Variants in DNASE1L3 observed in about 807,000 individuals in gnomAD.
DNASE1L3 encodes the protein deoxyribonuclease 1L3.
DNASE1L3 carries 27 observed loss-of-function variants against 30.9 expected under a neutral mutation model. The observed-to-expected ratio is 0.87, with a 90% CI of 0.64 to 1.20. The LOEUF (loss-of-function observed/expected upper bound fraction) is 1.20. Ranked by LOEUF, DNASE1L3 falls within the 50% of genes most tolerant of loss-of-function variation. The pLI is 0.00. For missense variants in DNASE1L3, 364 were observed against 378.2 expected (o/e 0.96, Z 0.31); for synonymous variants, 135 against 138.0 (o/e 0.98, Z 0.15).
Position 58,197,452 on chromosome 3 carries a change from A to AATTTTAT in DNASE1L3, c.704+368_704+369insATAAAAT, listed in dbSNP as rs1213202524. On this transcript the variant is annotated intron_variant, in intron 6 of 7. Transcript: ENST00000394549. This position sits in a 1 kb window ranked among gnomAD's most constrained non-coding sequence, Gnocchi z 5.3. Reference sequence around the variant, plus strand: ...CAAGCAGTGTGCTTTTCTTATTTTTATTTTTATTTTTTATTTTTGAGACAA... The same window carrying AATTTTAT: ...CAAGCAGTGTGCTTTTCTTATTTTTAATTTTATTTTTTATTTTTTATTTTTGAGACAA... Among the ~76,000 whole-genome samples the AATTTTAT allele has an allele frequency of 6.6e-6, 1 of 151,692 alleles. No homozygotes were observed. Among genetic ancestry groups the AATTTTAT allele is most frequent in the African/African-American group, 2.4e-5 (1 of 41,270 alleles).
chr3:58,209,257 G>A lies in DNASE1L3; in HGVS notation c.142-951C>T, dbSNP rs139697313. Among the ~76,000 whole-genome samples the A allele has an allele frequency of 8.7e-3, 1,331 of 152,194 alleles. 14 individuals are homozygous for A. The highest frequency in any genetic ancestry group is 0.027 in the Middle Eastern group (8 of 294). ...GTGAGGCAGCCTTGACAAGGACTTC[G>A]GACATGCTCTGCAGGACACAGCTGC... On this transcript the variant is annotated intron_variant, in intron 1 of 7. Transcript: ENST00000394549.
At position 58,200,704 on chromosome 3, in the gene DNASE1L3, TTGTCCA is replaced by T. The variant is rs1294472852; in HGVS notation, c.546+287_546+292del. On this transcript the variant is annotated intron_variant, in intron 5 of 7. Transcript: ENST00000394549. This position sits in a 1 kb window ranked among gnomAD's most constrained non-coding sequence, Gnocchi z 4.2. ...GGATTATTGGGAGGATTAAATAAAC[TTGTCCA>T]TGTCAAGTCTCAGCACAGTGCCTGG... is the stretch of plus-strand genomic sequence containing the variant. Among the ~76,000 whole-genome samples, 2 of 152,210 alleles carry T rather than the reference TTGTCCA, an allele frequency of 1.3e-5. No homozygotes were observed. Among genetic ancestry groups the T allele is most frequent in the African/African-American group, 4.8e-5 (2 of 41,448 alleles).
rs770360003 is a variant in DNASE1L3 at position 58,204,753 on chromosome 3, C to G, written c.433+16G>C. ...GTTGGGGAGGTCCCAGACAGAAAGG[C>G]CTGTGTGGGTCTTACCAGTGTGGGG... On this transcript the variant is annotated intron_variant, in intron 4 of 7. Coordinates refer to ENST00000394549, the MANE Select transcript of DNASE1L3 (RefSeq NM_004944.4). 13 of 1,608,870 alleles carry G rather than the reference C, an allele frequency of 8.1e-6. No homozygotes were observed. Among genetic ancestry groups the G allele is most frequent in the Non-Finnish European group, 1.1e-5 (13 of 1,175,668 alleles).
Position 58,200,914 on chromosome 3 carries a change from C to A in DNASE1L3, c.546+83G>T. On this transcript the variant is annotated intron_variant, in intron 5 of 7. Coordinates refer to ENST00000394549, the MANE Select transcript of DNASE1L3 (RefSeq NM_004944.4). The surrounding 1 kb of genome is among the most constrained non-coding windows in gnomAD (Gnocchi z 4.2). ...CCTGCACATGCCCTTCCTCCTCCCC[C>A]TCCCTGGAGAGGTACTCATCCCACT... 1 of 1,096,866 alleles carries A rather than the reference C, an allele frequency of 9.1e-7. No homozygotes were observed. Among genetic ancestry groups the A allele is most frequent in the Non-Finnish European group, 1.3e-6 (1 of 754,108 alleles). The allele number at this position is 1,096,866 out of a possible 1,614,324, so 67.9% of individuals were successfully genotyped here.
At chr3:58,203,153 G>T (rs2097401863) in intron 4 of DNASE1L3, among the ~76,000 whole-genome samples, 1 of 152,154 alleles carries the variant, frequency 6.6e-6, no homozygotes, top group African/African-American at 2.4e-5. Flanking sequence ...CTGTGGGGCG[G>T]TCACTGCTCA....
intron 6 of DNASE1L3, among the ~76,000 whole-genome samples, chr3:58,196,906 G>A (rs762575283): frequency 5.6e-4 from 85 of 152,326 alleles, no homozygotes; most frequent in Non-Finnish European, 8.5e-4. Flanking sequence ...TATAAATACC[G>A]TTGCACTAAT....
chr3:58,193,093 T>C, intron 7 of DNASE1L3: 1 of 1,393,018 alleles, frequency 7.2e-7, no homozygotes, highest in African/African-American at 1.5e-5. Flanking sequence ...TTTTTTTTTT[T>C]TGAGACAGGA....
Position 58,192,996 on chromosome 3 carries a change from A to G in DNASE1L3, c.802-193T>C. ...TTTTGGAGGGGCCTCAAATCACAGA[A>G]TCATAGGCATTGAGGGTCAAGGTCT... On this transcript the variant is annotated intron_variant, in intron 7 of 7. Coordinates refer to ENST00000394549, the MANE Select transcript of DNASE1L3 (RefSeq NM_004944.4). The surrounding 1 kb of genome is among the most constrained non-coding windows in gnomAD (Gnocchi z 4.8). 1.4e-6 allele frequency: 2 copies of G among 1,436,108 alleles called. No homozygotes were observed. The highest frequency in any genetic ancestry group is 1.8e-6 in the Non-Finnish European group (2 of 1,102,928). 89.0% of individuals were successfully genotyped at this position (1,436,108 alleles called of 1,614,324 possible). A position where few individuals can be genotyped will look rare whatever the true frequency, so the allele number is the denominator to read the frequency against.
In DNASE1L3 at chr3:58,194,822, G is replaced by T. The variant is rs912004261; in HGVS notation, c.705-1383C>A. On this transcript the variant is annotated intron_variant, in intron 6 of 7. Transcript: ENST00000394549. ...TTTTGTATTTTTTAGTAGAGACGGGGTTTCACTGTGTTAGCCAGGATGGTC... is the reference window on the plus strand; with the variant it reads ...TTTTGTATTTTTTAGTAGAGACGGGTTTTCACTGTGTTAGCCAGGATGGTC... Among the ~76,000 whole-genome samples the T allele has an allele frequency of 4.6e-5, 7 of 151,692 alleles. 1 individual carries two copies. Among genetic ancestry groups the T allele is most frequent in the Admixed American group, 3.3e-4 (5 of 15,228 alleles).
chr3:58,207,609 T>C (rs1423276387), intron 2 of DNASE1L3, among the ~76,000 whole-genome samples: 2 of 152,150 alleles, frequency 1.3e-5, no homozygotes, highest in East Asian at 3.8e-4. Flanking sequence ...TTTCAATATA[T>C]TGTGGCCATT....
intron 3 of DNASE1L3, 114 bp downstream of exon 3, chr3:58,205,357 G>T: frequency 1.1e-6 from 1 of 932,954 alleles, no homozygotes; most frequent in Non-Finnish European, 1.7e-6. Context: ...TTATTTTGAT[G>T]AACACTGAGA....
Position 58,210,780 on chromosome 3 carries a change from C to A in DNASE1L3, c.127G>T (p.Asp43Tyr). 6.2e-7 allele frequency: 1 copy of A among 1,614,128 alleles called. No individual in the cohort carries two copies. The change falls in exon 1 of 8, where the codon GAT (aspartate) becomes TAT (tyrosine). Residue 43 changes from aspartate to tyrosine, a missense_variant. By Grantham distance (160) the Asp-to-Tyr change is radical (BLOSUM62 -3). Coordinates refer to ENST00000394549, the MANE Select transcript of DNASE1L3 (RefSeq NM_004944.4). ...AAGGGGCTCACCTTCACAATGACAT[C>A]CATGGCATTCTTGTCTTCCTGCTTG... ...ESKQEDKNAM[D>Y]VIVKVIKRCD...
chr3:58,209,729 G>T (rs991605375), intron 1 of DNASE1L3, among the ~76,000 whole-genome samples: 1 of 152,150 alleles, frequency 6.6e-6, no homozygotes, highest in East Asian at 1.9e-4. Context: ...GGTGGTATTT[G>T]GATGTGGTCG....
rs551518178 is a variant in DNASE1L3 at position 58,192,263 on chromosome 3, C to A, written c.*424G>T. 329 of 157,440 alleles carry A rather than the reference C, an allele frequency of 2.1e-3. 3 individuals carry two copies. Among genetic ancestry groups the A allele is most frequent in the Non-Finnish European group, 3.1e-3 (221 of 71,928 alleles). 9.8% of individuals were successfully genotyped at this position (157,440 alleles called of 1,614,324 possible). On this transcript the variant is annotated 3_prime_UTR_variant, in exon 8 of 8. Transcript: ENST00000394549. This position sits in a 1 kb window ranked among gnomAD's most constrained non-coding sequence, Gnocchi z 4.8. Reference sequence around the variant, plus strand: ...GACCTCAGAGAGGAGGGGGCAGACTCTTAAAACAGTTAATTGCCCAAATCA... The same window carrying A: ...GACCTCAGAGAGGAGGGGGCAGACTATTAAAACAGTTAATTGCCCAAATCA...
At chr3:58,193,756 G>A (rs181758272) in intron 6 of DNASE1L3, among the ~76,000 whole-genome samples, 17 of 152,308 alleles carry the variant, frequency 1.1e-4, no homozygotes, top group Admixed American at 9.8e-4. Context: ...TACTGAGAAC[G>A]CTGTTCCTTT....
At position 58,197,855 on chromosome 3, in the gene DNASE1L3, T is replaced by G; in HGVS notation, c.670A>C (p.Thr224Pro). The G allele has an allele frequency of 6.2e-7, 1 of 1,614,184 alleles. No homozygotes were observed. The highest frequency in any genetic ancestry group is 8.5e-7 in the Non-Finnish European group (1 of 1,180,046). ...VWLIGDQEDTTVKKSTNCAYD... is the reference protein window; with the variant it reads ...VWLIGDQEDTPVKKSTNCAYD... ...GCACAGTTGGTGCTCTTCTTCACCG[T>G]GGTGTCCTCTTGGTCCCCGATCAGC... Residue 224 changes from threonine (T) to proline (P), a missense_variant, in exon 6 of 8, where the codon ACG becomes CCG. Thr to Pro is a conservative substitution (Grantham distance 38). Coordinates refer to ENST00000394549, the MANE Select transcript of DNASE1L3 (RefSeq NM_004944.4). This position sits in a 1 kb window ranked among gnomAD's most constrained non-coding sequence, Gnocchi z 5.3.
rs112831771 is a variant in DNASE1L3, at chr3:58,204,746, A to G, written c.433+23T>C. 2.7e-5 allele frequency: 43 copies of G among 1,609,480 alleles called. No individual in the cohort carries two copies. In the African/African-American group the frequency reaches 3.5e-4, roughly 13 times the overall value. ...ATGGGCCGTTGGGGAGGTCCCAGAC[A>G]GAAAGGCCTGTGTGGGTCTTACCAG... is the stretch of plus-strand genomic sequence containing the variant. On this transcript the variant is annotated intron_variant, in intron 4 of 7. Transcript: ENST00000394549.
chr3:58,206,572 TAA>T (rs888349204), intron 2 of DNASE1L3, among the ~76,000 whole-genome samples: 3 of 152,044 alleles, frequency 2.0e-5, no homozygotes, highest in Admixed American at 6.6e-5. Flanking sequence ...TTGTGGGGGA[TAA>T]AGAGACAAAC....
intron 4 of DNASE1L3, among the ~76,000 whole-genome samples, chr3:58,203,587 C>CA (rs1475401588): frequency 6.6e-6 from 1 of 152,204 alleles, no homozygotes; most frequent in East Asian, 1.9e-4. Flanking sequence ...GGCTTGAGCT[C>CA]AGGGGTTCAA....
Sources: gnomAD v4.1 joint callset for allele counts (sites outside exome capture counted in the v4.1 genomes callset) on GRCh38, gnomAD v4.1.1 for gene constraint, Gnocchi (gnomAD v3.1) non-coding constraint, MANE v1.5 for transcripts, NCBI Gene and HGNC (gene_info 2026-07-23, HGNC 2026-07-21) for gene names.